Variants in TARBP1 observed in about 807,000 individuals in gnomAD.
The protein encoded by TARBP1 is tRNA (guanosine(18)-2'-O)-methyltransferase TARBP1.
Under a neutral mutation model 178.6 loss-of-function variants are expected in TARBP1, and 144 were observed. The observed-to-expected ratio is 0.81, with a 90% CI of 0.70 to 0.93. The LOEUF (loss-of-function observed/expected upper bound fraction) is 0.93. Among genes scored for constraint, TARBP1 ranks in the 40% least tolerant of loss-of-function variants. The pLI, the probability that TARBP1 is intolerant of heterozygous loss-of-function variation, is 0.00. For synonymous variants in TARBP1, 787 were observed against 781.0 expected (o/e 1.01, Z -0.13); for missense variants, 2,067 against 2,011.7 (o/e 1.03, Z -0.53).
At chr1:234,437,428 C>T (rs193091941) in intron 12 of TARBP1, 56 bp from the exon 13 acceptor site, 70 of 810,432 alleles carry the variant, frequency 8.6e-5, no homozygotes, top group Admixed American at 6.3e-4. Context: ...TGGTACAAAA[C>T]ACACCAGATA....
At chr1:234,438,379 T>C (rs1665249887) in intron 12 of TARBP1, among the ~76,000 whole-genome samples, 1 of 152,130 alleles carries the variant, frequency 6.6e-6, no homozygotes, top group African/African-American at 2.4e-5. Flanking sequence ...CTAATAAAAA[T>C]GCTTTAGCAA....
chr1:234,460,459 C>A, intron 6 of TARBP1, 63 bp from the exon 7 acceptor site: 1 of 1,552,812 alleles, frequency 6.4e-7, no homozygotes, highest in African/African-American at 1.4e-5. Context: ...AGCTCAATAC[C>A]ATTAGGTATT....
At chr1:234,408,825 A>G (rs1661523886) in intron 23 of TARBP1, among the ~76,000 whole-genome samples, 1 of 152,244 alleles carries the variant, frequency 6.6e-6, no homozygotes, top group African/African-American at 2.4e-5. Context: ...ATAAGACTCC[A>G]GTCTCCTGCA....
At chr1:234,418,291 G>C in intron 21 of TARBP1, 58 bp from the exon 22 acceptor site, 1 of 1,424,454 alleles carries the variant, frequency 7.0e-7, no homozygotes, top group Non-Finnish European at 9.4e-7. Flanking sequence ...TTTAAAAATA[G>C]TCTCCATTTA....
Position 234,450,327 on chromosome 1 carries a change from C to T in TARBP1, c.1861+101G>A, listed in dbSNP as rs974488679. Reference sequence around the variant, plus strand: ...TACAAGTTTGGCATCAATAAATCATCATATATTTCGTAAAGCCTAACTCTC... The same window carrying T: ...TACAAGTTTGGCATCAATAAATCATTATATATTTCGTAAAGCCTAACTCTC... On this transcript the variant is annotated intron_variant, in intron 10 of 29. Coordinates refer to ENST00000040877, the MANE Select transcript of TARBP1 (RefSeq NM_005646.4). The T allele has an allele frequency of 3.8e-5, 33 of 870,824 alleles. No individual in the cohort carries two copies. The African/African-American group carries it at 5.7e-4, about 15-fold the overall frequency. 53.9% of individuals were successfully genotyped at this position (870,824 alleles called of 1,614,324 possible).
Position 234,392,415 on chromosome 1 carries a change from C to G in TARBP1, c.4697+1G>C. ...TACTATGGACACAAGAAGCTTCTTA[C>G]CCCAACAAGAGCAGAGATTTCTCAG... On this transcript the variant is annotated splice_donor_variant, in intron 29 of 29. Transcript: ENST00000040877. LOFTEE classifies it high-confidence loss of function. 6.2e-7 allele frequency: 1 copy of G among 1,613,642 alleles called. No individual in the cohort carries two copies. Among genetic ancestry groups the G allele is most frequent in the Non-Finnish European group, 8.5e-7 (1 of 1,179,808 alleles).
At chr1:234,454,656 CA>C (rs1163332111) in intron 9 of TARBP1, among the ~76,000 whole-genome samples, 3 of 152,132 alleles carry the variant, frequency 2.0e-5, no homozygotes, top group Non-Finnish European at 2.9e-5. Context: ...CCTGAACTTA[CA>C]AATTATAAGA....
intron 26 of TARBP1, among the ~76,000 whole-genome samples, chr1:234,395,278 T>C (rs1431260048): frequency 6.6e-6 from 1 of 152,176 alleles, no homozygotes; most frequent in East Asian, 1.9e-4. Flanking sequence ...TAAAAAATTT[T>C]AAGAAGGAGA....
At chr1:234,427,857 A>C in intron 17 of TARBP1, 91 bp from the exon 18 acceptor site, 2 of 883,376 alleles carry the variant, frequency 2.3e-6, no homozygotes, top group Non-Finnish European at 3.2e-6. Context: ...CAACATAATC[A>C]TGAACAGTCT....
In TARBP1 at chr1:234,479,053, C is replaced by T; in HGVS notation, c.51G>A (p.Arg17=). Residue 17 remains arginine, a synonymous_variant, in exon 1 of 30, where the codon CGG becomes CGA. Transcript: ENST00000040877. ...CTTGGCACAGCGCCCCAAGCAGGGC[C>T]CGGGGGTCCCGGCTCTGCGAGAGCA... ...EALLSQSRDP[R]ALLGALCQGE... 5 of 1,539,436 alleles carry T rather than the reference C, an allele frequency of 3.2e-6. No individual in the cohort carries two copies. The highest frequency in any genetic ancestry group is 4.3e-6 in the Non-Finnish European group (5 of 1,156,082).
At position 234,448,479 on chromosome 1, in the gene TARBP1, C is replaced by T. The variant is rs752846796; in HGVS notation, c.1961+1G>A. The T allele has an allele frequency of 2.5e-6, 4 of 1,611,566 alleles. No individual in the cohort carries two copies. The highest frequency in any genetic ancestry group is 1.1e-5 in the South Asian group (1 of 91,020). ...TTCTTTTCAATTACAGAAACAATTA[C>T]CTATACTGAGTCTTCATTCCTTCCA... is the stretch of plus-strand genomic sequence containing the variant. On this transcript the variant is annotated splice_donor_variant, in intron 11 of 29. Transcript: ENST00000040877. LOFTEE classifies it high-confidence loss of function.
At chr1:234,461,819 C>G (rs749772720) in intron 6 of TARBP1, among the ~76,000 whole-genome samples, 13 of 152,162 alleles carry the variant, frequency 8.5e-5, no homozygotes, top group Admixed American at 1.3e-4. Flanking sequence ...ATTCTGTCCT[C>G]TCTGCTAATC....
intron 28 of TARBP1, among the ~76,000 whole-genome samples, 170 bp downstream of exon 28, chr1:234,393,192 G>T (rs1444370372): frequency 2.0e-5 from 3 of 152,182 alleles, no homozygotes; most frequent in Admixed American, 6.5e-5. Flanking sequence ...GTTCTTAAAT[G>T]ATTAAAGACT....
rs1325298631 is a variant in TARBP1 at position 234,478,429 on chromosome 1, G to C, written c.675C>G (p.Arg225=). 1.4e-6 allele frequency: 2 copies of C among 1,386,830 alleles called. No individual in the cohort carries two copies. The highest frequency in any genetic ancestry group is 5.4e-5 in the Admixed American group (2 of 36,714). The allele number at this position is 1,386,830 out of a possible 1,614,324, so 85.9% of individuals were successfully genotyped here. The change falls in exon 1 of 30, where the codon CGC becomes CGG. Residue 225 remains arginine, a synonymous_variant. Transcript: ENST00000040877. ...TCAGGACCAGCAGCTTCTCCTCTAC[G>C]CGGCCGGACCCCAGGGACGCCCCAG... ...AAPGASLGSG[R]VEEKLLVLSA... is the part of the protein sequence containing the mutation.
intron 17 of TARBP1, among the ~76,000 whole-genome samples, chr1:234,428,694 C>A (rs979368442): frequency 1.1e-4 from 17 of 151,976 alleles, no homozygotes; most frequent in Non-Finnish European, 2.1e-4. Context: ...TACAGGCGTG[C>A]GCCACCACAC....
intron 24 of TARBP1, among the ~76,000 whole-genome samples, chr1:234,402,222 T>A (rs1660742643): frequency 6.6e-6 from 1 of 152,214 alleles, no homozygotes. Flanking sequence ...TCACCTTTGG[T>A]GGGAGAAGGA....
rs769065606 is a variant in TARBP1, at chr1:234,472,594, T to C, written c.1029+120A>G. 40 of 627,450 alleles carry C rather than the reference T, an allele frequency of 6.4e-5. No homozygotes were observed. In the Admixed American group the frequency reaches 8.4e-4, roughly 13 times the overall value. The allele number at this position is 627,450 out of a possible 1,614,324, so 38.9% of individuals were successfully genotyped here. A position where few individuals can be genotyped will look rare whatever the true frequency, so the allele number is the denominator to read the frequency against. On this transcript the variant is annotated intron_variant, in intron 2 of 29. Transcript: ENST00000040877. ...TTTATGCCAGACAACAAAGTATACT[T>C]GGATTCTATCATCACCAGCTATATC...
At chr1:234,421,503 C>T (rs1418967397) in intron 20 of TARBP1, among the ~76,000 whole-genome samples, 1 of 135,848 alleles carries the variant, frequency 7.4e-6, no homozygotes, top group Non-Finnish European at 1.6e-5. Flanking sequence ...ACCTCACAGG[C>T]ACTTCTCACC....
At chr1:234,454,308 G>A (rs1361188462) in intron 9 of TARBP1, among the ~76,000 whole-genome samples, 1 of 152,136 alleles carries the variant, frequency 6.6e-6, no homozygotes, top group East Asian at 1.9e-4. Context: ...CAAACAGAAA[G>A]AAAATAAATT....
Sources: gnomAD v4.1 joint callset for allele counts (sites outside exome capture counted in the v4.1 genomes callset) on GRCh38, gnomAD v4.1.1 for gene constraint, MANE v1.5 for transcripts, NCBI Gene and HGNC (gene_info 2026-07-23, HGNC 2026-07-21) for gene names.